ZNF710: variants seen among roughly 807,000 people sequenced by gnomAD.
The protein encoded by ZNF710 is zinc finger protein 710.
Under a neutral mutation model 50.6 loss-of-function variants are expected in ZNF710, and 13 were observed. That is an observed-to-expected ratio of 0.26 (90% CI 0.17 to 0.41). The LOEUF (loss-of-function observed/expected upper bound fraction) is 0.41. Among genes scored for constraint, ZNF710 ranks in the 10% least tolerant of loss-of-function variants. ZNF710 has a pLI of 1.00. For synonymous variants in ZNF710, 383 were observed against 397.0 expected, an observed-to-expected ratio of 0.96 and a Z score of 0.42; for missense variants, 721 against 936.6, an observed-to-expected ratio of 0.77 and a Z score of 3.01.
intron 1 of ZNF710, among the ~76,000 whole-genome samples, chr15:90,060,440 C>T (rs1414471318): frequency 1.3e-5 from 2 of 152,086 alleles, no homozygotes; most frequent in Non-Finnish European, 2.9e-5. Flanking sequence ...TTTAGTCCCA[C>T]CTACTTGGGA....
At chr15:90,009,540 A>C (rs550806620) in intron 1 of ZNF710, among the ~76,000 whole-genome samples, 42 of 151,790 alleles carry the variant, frequency 2.8e-4, no homozygotes, top group Non-Finnish European at 5.4e-4. Flanking sequence ...CCAACCTGGG[A>C]AATCTGTGCC....
At chr15:90,057,083 C>T (rs1373170539) in intron 1 of ZNF710, among the ~76,000 whole-genome samples, 2 of 152,096 alleles carry the variant, frequency 1.3e-5, no homozygotes, top group African/African-American at 4.8e-5. Flanking sequence ...TACCCCATGG[C>T]GCTCCTTTGT....
chr15:90,058,174 G>A (rs572835111), intron 1 of ZNF710, among the ~76,000 whole-genome samples: 5 of 152,180 alleles, frequency 3.3e-5, no homozygotes, highest in Admixed American at 6.5e-5. Context: ...CTGGGAGGGC[G>A]TCAGGTGAGA....
rs777279676 is a variant in ZNF710 at position 90,073,294 on chromosome 15, CT to C, written c.1650+33del. 223 of 1,600,958 alleles carry C rather than the reference CT, an allele frequency of 1.4e-4. 1 individual carries two copies. In the African/African-American group the frequency reaches 2.7e-3, roughly 19 times the overall value. ...GGTCATCAGGCCCCGGGGCTGGGAC[CT>C]CCCCGAGGGTGGTCTGGAATCAGCA... On this transcript the variant is annotated intron_variant, in intron 3 of 4. Coordinates refer to ENST00000268154, the MANE Select transcript of ZNF710 (RefSeq NM_198526.4).
intron 1 of ZNF710, among the ~76,000 whole-genome samples, chr15:90,047,989 GT>G (rs1899522834): frequency 6.6e-6 from 1 of 152,192 alleles, no homozygotes; most frequent in African/African-American, 2.4e-5. Context: ...CTGTGCCTCA[GT>G]TTCCATATTT....
upstream of ZNF710, among the ~76,000 whole-genome samples, chr15:90,000,542 G>T (rs1157623911): frequency 1.3e-5 from 2 of 152,160 alleles, no homozygotes; most frequent in Non-Finnish European, 2.9e-5. Flanking sequence ...CAGCTGCCCT[G>T]AGCCCCTTCT....
rs1223021396 is a variant in ZNF710 at position 90,079,811 on chromosome 15, C to T, written c.1977C>T (p.Ala659=). The T allele has an allele frequency of 6.2e-7, 1 of 1,607,110 alleles. No homozygotes were observed. Among genetic ancestry groups the T allele is most frequent in the African/African-American group, 1.3e-5 (1 of 74,418 alleles). Residue 659 remains alanine (A), a synonymous_variant, in exon 5 of 5, where the codon GCC becomes GCT. Coordinates refer to ENST00000268154, the MANE Select transcript of ZNF710 (RefSeq NM_198526.4). ...VLTEQAMKEM[A]YYNVL ...CTGAACAGGCCATGAAAGAGATGGC[C>T]TACTACAATGTGCTATAGCGCAAGC... is the stretch of plus-strand genomic sequence containing the variant.
intron 4 of ZNF710, chr15:90,074,573 A>C: frequency 1.3e-4 from 175 of 1,315,628 alleles, no homozygotes; most frequent in Middle Eastern, 2.4e-4. Flanking sequence ...TTATTAACTC[A>C]TGTGATCCTC....
At chr15:90,074,453 A>T (rs1452940162) in intron 4 of ZNF710, 163 bp downstream of exon 4, 1 of 1,534,530 alleles carries the variant, frequency 6.5e-7, no homozygotes, top group Non-Finnish European at 8.7e-7. Context: ...CATGATGACA[A>T]TAACGATGGG....
intron 4 of ZNF710, chr15:90,074,877 C>G: frequency 3.7e-6 from 1 of 269,368 alleles, no homozygotes; most frequent in Non-Finnish European, 7.2e-6. Context: ...GCAACCAAGG[C>G]AAAAAAGTGT....
rs1900038101 is a variant in ZNF710 at position 90,062,367 on chromosome 15, C to T, written c.-28-4743C>T. 6.6e-6 allele frequency among the ~76,000 whole-genome samples: 1 copy of T among 152,202 alleles called. No individual in the cohort carries two copies. ...GAGGGCATCCTGGTGGGAGGCCACGCCACATCCCAGCCAGTGGTCGCCCCT... is the reference window on the plus strand; with the variant it reads ...GAGGGCATCCTGGTGGGAGGCCACGTCACATCCCAGCCAGTGGTCGCCCCT... On this transcript the variant is annotated intron_variant, in intron 1 of 4. Coordinates refer to ENST00000268154, the MANE Select transcript of ZNF710 (RefSeq NM_198526.4). The surrounding 1 kb of genome is among the most constrained non-coding windows in gnomAD (Gnocchi z 5.6).
intron 1 of ZNF710, among the ~76,000 whole-genome samples, chr15:90,013,753 T>C (rs576041545): frequency 1.3e-5 from 2 of 152,322 alleles, no homozygotes; most frequent in South Asian, 2.1e-4. Flanking sequence ...CTTCTCTCGA[T>C]TTTTGGTCAA....
At chr15:90,005,398 T>A (rs973379289) in intron 1 of ZNF710, among the ~76,000 whole-genome samples, 1 of 152,094 alleles carries the variant, frequency 6.6e-6, no homozygotes, top group African/African-American at 2.4e-5. Context: ...GGATCCTGAA[T>A]GGGGTGGAGC....
intron 1 of ZNF710, among the ~76,000 whole-genome samples, chr15:90,001,941 G>T (rs1898022532): frequency 7.0e-6 from 1 of 142,706 alleles, no homozygotes; most frequent in Non-Finnish European, 1.5e-5. Flanking sequence ...AGCGAAAGAG[G>T]GCGAGAGGGA....
intron 1 of ZNF710, among the ~76,000 whole-genome samples, chr15:90,019,498 C>T (rs1255657842): frequency 6.6e-6 from 1 of 152,140 alleles, no homozygotes; most frequent in African/African-American, 2.4e-5. Context: ...GGGTAAATTG[C>T]CCCCAGACAC....
intron 1 of ZNF710, among the ~76,000 whole-genome samples, chr15:90,032,642 G>A (rs778845819): frequency 2.0e-5 from 3 of 152,016 alleles, no homozygotes; most frequent in Non-Finnish European, 4.4e-5. Context: ...GCTGGACATG[G>A]TGGTGGGCAC....
chr15:90,049,246 A>C (rs1899563787), intron 1 of ZNF710, among the ~76,000 whole-genome samples: 1 of 152,146 alleles, frequency 6.6e-6, no homozygotes, highest in Non-Finnish European at 1.5e-5. Context: ...TGCAGTTGAG[A>C]AAACAGAGGC....
intron 2 of ZNF710, among the ~76,000 whole-genome samples, chr15:90,069,851 C>T (rs192930344): frequency 5.5e-4 from 83 of 152,286 alleles, no homozygotes; most frequent in Non-Finnish European, 9.3e-4. Flanking sequence ...CCAGCCTCCC[C>T]GCTTTTCAGC....
In ZNF710 at chr15:90,081,360, G is replaced by A. The variant is rs774601482; in HGVS notation, c.*1531G>A. 6.6e-6 allele frequency: 1 copy of A among 152,304 alleles called. No homozygotes were observed. The highest frequency in any genetic ancestry group is 1.5e-5 in the Non-Finnish European group (1 of 68,152). The allele number at this position is 152,304 out of a possible 1,614,324, so 9.4% of individuals were successfully genotyped here. A position where few individuals can be genotyped will look rare whatever the true frequency, so the allele number is the denominator to read the frequency against. On this transcript the variant is annotated 3_prime_UTR_variant, in exon 5 of 5. Transcript: ENST00000268154. ...ACTTGCCTCCTGAGGCCTCAGTGGG[G>A]AGGGGCAAGCAGGGGTCTTCCCCAA... is the stretch of plus-strand genomic sequence containing the variant.
Sources: allele counts gnomAD v4.1 joint callset (sites outside exome capture counted in the v4.1 genomes callset), GRCh38; gene constraint gnomAD v4.1.1; non-coding constraint Gnocchi (gnomAD v3.1); transcripts MANE v1.5; gene names NCBI Gene and HGNC (gene_info 2026-07-23, HGNC 2026-07-21).